Variants in CALN1 observed in about 807,000 individuals in gnomAD.
CALN1 encodes the protein calcium-binding protein 8.
In CALN1, 17 loss-of-function variants were observed where a neutral mutation model predicts 30.6. That is an observed-to-expected ratio of 0.56 (90% CI 0.38 to 0.83). The LOEUF (loss-of-function observed/expected upper bound fraction) is 0.83. Ranked by LOEUF, CALN1 falls within the 40% of genes least tolerant of loss-of-function variation. CALN1 has a pLI of 0.00. For missense variants in CALN1, 291 were observed against 354.9 expected (o/e 0.82, Z 1.45); for synonymous variants, 156 against 131.4 (o/e 1.19, Z -1.28).
At chr7:72,284,361 G>GTGA (rs1472317268) in intron 2 of CALN1, among the ~76,000 whole-genome samples, 1 of 152,200 alleles carries the variant, frequency 6.6e-6, no homozygotes, top group Non-Finnish European at 1.5e-5. Flanking sequence ...ATGCCCTTTT[G>GTGA]TGATGGTCAG....
chr7:71,972,471 T>C (rs1452945227), intron 5 of CALN1, among the ~76,000 whole-genome samples: 1 of 152,202 alleles, frequency 6.6e-6, no homozygotes, highest in East Asian at 1.9e-4. Context: ...TTTATGTTCA[T>C]CTGCTAAGAG....
intron 2 of CALN1, among the ~76,000 whole-genome samples, chr7:72,314,546 C>G (rs1800302905): frequency 6.6e-6 from 1 of 151,358 alleles, no homozygotes; most frequent in Non-Finnish European, 1.5e-5. Context: ...ACCTCAGCCT[C>G]CCGAGTAGCT....
chr7:72,155,501 A>G (rs1787599914), intron 3 of CALN1, among the ~76,000 whole-genome samples: 1 of 151,808 alleles, frequency 6.6e-6, no homozygotes, highest in Admixed American at 6.6e-5. Context: ...CAAAAAAAAA[A>G]AAAAGAGAGA....
chr7:72,005,472 G>A (rs946877022), intron 5 of CALN1, among the ~76,000 whole-genome samples: 3 of 151,948 alleles, frequency 2.0e-5, no homozygotes, highest in Admixed American at 6.6e-5. Flanking sequence ...GGGACTACAG[G>A]CACACACCAC....
chr7:72,111,824 C>G (rs1239521153), intron 3 of CALN1, among the ~76,000 whole-genome samples: 1 of 151,954 alleles, frequency 6.6e-6, no homozygotes, highest in Non-Finnish European at 1.5e-5. Context: ...GAGCTCAGCT[C>G]ACTGCAACCT....
chr7:72,485,519 C>T, the CALN1 span, among the ~76,000 whole-genome samples: 1 of 152,194 alleles, frequency 6.6e-6, no homozygotes, highest in East Asian at 1.9e-4. Context: ...TTAAGTAGTG[C>T]TGTCTACATA....
At chr7:72,397,739 C>CAA (rs1806068356) in intron 2 of CALN1, among the ~76,000 whole-genome samples, 2 of 151,572 alleles carry the variant, frequency 1.3e-5, no homozygotes, top group African/African-American at 2.4e-5. Context: ...CACACACACA[C>CAA]ACACACACAC....
intron 2 of CALN1, among the ~76,000 whole-genome samples, chr7:72,331,647 T>C (rs1801686022): frequency 6.6e-6 from 1 of 152,198 alleles, no homozygotes; most frequent in African/African-American, 2.4e-5. Context: ...AATATCTATT[T>C]ATTTACTTAT....
At chr7:72,336,078 G>A (rs894438626) in intron 2 of CALN1, among the ~76,000 whole-genome samples, 3 of 152,344 alleles carry the variant, frequency 2.0e-5, no homozygotes, top group South Asian at 2.1e-4. Flanking sequence ...CCGGACTGCA[G>A]AGGCCTCTCT....
chr7:71,799,942 T>C lies in CALN1; in HGVS notation c.658+10394A>G, dbSNP rs1236916833. The stretch of plus-strand genomic sequence containing the variant: ...CCTCAGCTCCTTAACCTCCTATGTC[T>C]ACCCAAGGAGAAAGGTTTTATTTCA... On this transcript the variant is annotated intron_variant, in intron 6 of 6. Coordinates refer to ENST00000395275, the MANE Select transcript of CALN1 (RefSeq NM_031468.4). Among the ~76,000 whole-genome samples the C allele has an allele frequency of 2.0e-5, 3 of 152,198 alleles. No individual in the cohort carries two copies. In the East Asian group the frequency reaches 5.8e-4, roughly 29 times the overall value.
At chr7:72,471,892 C>T in the CALN1 span, among the ~76,000 whole-genome samples, 69 of 152,288 alleles carry the variant, frequency 4.5e-4, 1 homozygote, top group Admixed American at 2.2e-3. Context: ...CCTTAAACTC[C>T]TGGGTCAAGG....
chr7:72,017,582 T>C (rs1800469716), intron 5 of CALN1, among the ~76,000 whole-genome samples: 1 of 152,170 alleles, frequency 6.6e-6, no homozygotes, highest in African/African-American at 2.4e-5. Context: ...CTCGGGAGTA[T>C]TGCCCAAAAG....
At chr7:72,232,753 C>A (rs1794200847) in intron 3 of CALN1, among the ~76,000 whole-genome samples, 1 of 152,208 alleles carries the variant, frequency 6.6e-6, no homozygotes, top group Admixed American at 6.5e-5. Context: ...AGCCACCACA[C>A]CTGGCTTAAA....
intron 4 of CALN1, among the ~76,000 whole-genome samples, chr7:72,054,098 T>A (rs1803020390): frequency 6.6e-6 from 1 of 152,164 alleles, no homozygotes. Flanking sequence ...TGTGCTGCTA[T>A]AAACACGCAT....
chr7:72,352,991 A>T (rs1263954467), intron 2 of CALN1, among the ~76,000 whole-genome samples: 1 of 152,204 alleles, frequency 6.6e-6, no homozygotes. Flanking sequence ...CAATTTAAAC[A>T]AAAGAGAAAA....
Position 72,177,752 on chromosome 7 carries a change from GAA to G in CALN1, c.245-71460_245-71459del, listed in dbSNP as rs71517077. On this transcript the variant is annotated intron_variant, in intron 3 of 6. Transcript: ENST00000395275. ...TTCACTCCAGCCTGGGCGACAGAGG[GAA>G]AAAAAAAAAAAAAAAAGGACATTTG... Among the ~76,000 whole-genome samples the G allele has an allele frequency of 6.9e-4, 91 of 132,156 alleles. 1 individual carries two copies. Among genetic ancestry groups the G allele is most frequent in the Admixed American group, 8.8e-4 (11 of 12,454 alleles). The allele number at this position is 132,156 out of a possible 152,430, so 86.7% of individuals were successfully genotyped here.
chr7:71,909,728 A>G (rs1355856921), intron 5 of CALN1, among the ~76,000 whole-genome samples: 1 of 152,146 alleles, frequency 6.6e-6, no homozygotes, highest in Non-Finnish European at 1.5e-5. Context: ...CTTGGTTTCC[A>G]TTCTCTGAAT....
At chr7:72,465,572 A>G in the CALN1 span, among the ~76,000 whole-genome samples, 1 of 152,284 alleles carries the variant, frequency 6.6e-6, no homozygotes, top group Middle Eastern at 3.4e-3. Flanking sequence ...TTGACCATGG[A>G]GCTCTCCAAG....
Position 71,782,567 on chromosome 7 carries a change from A to G in CALN1, c.*5208T>C, listed in dbSNP as rs1359216123. The G allele has an allele frequency of 6.6e-6, 1 of 152,200 alleles. No individual in the cohort carries two copies. The highest frequency in any genetic ancestry group is 1.5e-5 in the Non-Finnish European group (1 of 68,040). The allele number at this position is 152,200 out of a possible 1,614,324, so 9.4% of individuals were successfully genotyped here. On this transcript the variant is annotated 3_prime_UTR_variant, in exon 7 of 7. Coordinates refer to ENST00000395275, the MANE Select transcript of CALN1 (RefSeq NM_031468.4). ...CACCTATTTATGGCAGGGCCAAAAA[A>G]TTGAGGACAATCCCGAGTGACTTAG... is the stretch of plus-strand genomic sequence containing the variant.
Sources: allele counts gnomAD v4.1 joint callset (sites outside exome capture counted in the v4.1 genomes callset), GRCh38; gene constraint gnomAD v4.1.1; transcripts MANE v1.5; gene names NCBI Gene and HGNC (gene_info 2026-07-23, HGNC 2026-07-21).